MGAT4C: variants seen among roughly 807,000 people sequenced by gnomAD.
The protein encoded by MGAT4C is MGAT4 family member C.
In MGAT4C, 19 loss-of-function variants were observed where a neutral mutation model predicts 40.1. That is an observed-to-expected ratio of 0.47 (90% CI 0.33 to 0.70). The LOEUF is 0.70. Ranked by LOEUF, MGAT4C falls within the 30% of genes least tolerant of loss-of-function variation. The pLI, the probability that MGAT4C is intolerant of heterozygous loss-of-function variation, is 0.02. For missense variants in MGAT4C, 491 were observed against 563.2 expected (o/e 0.87, Z 1.30); for synonymous variants, 181 against 187.1 (o/e 0.97, Z 0.27).
At chr12:86,552,694 A>G (rs752441397) in intron 2 of MGAT4C, among the ~76,000 whole-genome samples, 3 of 152,114 alleles carry the variant, frequency 2.0e-5, no homozygotes, top group Non-Finnish European at 4.4e-5. Context: ...ATACAAAATA[A>G]ATAGAATTAG....
intron 3 of MGAT4C, among the ~76,000 whole-genome samples, chr12:86,346,909 C>G (rs1955046740): frequency 1.3e-5 from 2 of 152,158 alleles, no homozygotes; most frequent in Admixed American, 1.3e-4. Context: ...TGTCTTCCGG[C>G]CTTCATCATA....
intron 2 of MGAT4C, among the ~76,000 whole-genome samples, chr12:86,721,335 A>T (rs908624070): frequency 6.6e-5 from 10 of 152,090 alleles, no homozygotes; most frequent in African/African-American, 2.4e-4. Flanking sequence ...TTTGAGGATT[A>T]ATTAGAAGAA....
intron 1 of MGAT4C, among the ~76,000 whole-genome samples, chr12:86,773,990 G>A (rs1341261303): frequency 1.4e-5 from 1 of 73,494 alleles, no homozygotes; most frequent in African/African-American, 5.7e-5. Context: ...GTCTCACTTT[G>A]TCACCCAGGC....
intron 2 of MGAT4C, among the ~76,000 whole-genome samples, chr12:86,712,792 C>T (rs567554498): frequency 5.6e-4 from 85 of 152,054 alleles, no homozygotes; most frequent in African/African-American, 2.0e-3. Flanking sequence ...AGGTAGCTGC[C>T]GATTGTAGAC....
intron 4 of MGAT4C, among the ~76,000 whole-genome samples, chr12:86,329,409 T>G (rs901198757): frequency 2.0e-5 from 3 of 152,158 alleles, no homozygotes; most frequent in African/African-American, 7.2e-5. Flanking sequence ...ACAAATCTTG[T>G]CCTGATCTAC....
chr12:85,995,375 A>C (rs1351113412), intron 2 of MGAT4C, among the ~76,000 whole-genome samples: 1 of 152,226 alleles, frequency 6.6e-6, no homozygotes, highest in East Asian at 1.9e-4. Flanking sequence ...ACGGCTCTTC[A>C]AATCTTTGAG....
intron 1 of MGAT4C, among the ~76,000 whole-genome samples, chr12:86,204,743 G>A (rs747690746): frequency 5.3e-5 from 8 of 152,086 alleles, no homozygotes; most frequent in Non-Finnish European, 8.8e-5. Context: ...CAGGAAAGAT[G>A]TGTAAATGTT....
rs1883098442 is a variant in MGAT4C, at chr12:85,961,292, A to G, written c.*17997T>C. 1 of 151,894 alleles carries G rather than the reference A, an allele frequency of 6.6e-6. No homozygotes were observed. The highest frequency in any genetic ancestry group is 1.5e-5 in the Non-Finnish European group (1 of 67,846). The allele number at this position is 151,894 out of a possible 1,614,324, so 9.4% of individuals were successfully genotyped here. On this transcript the variant is annotated 3_prime_UTR_variant, in exon 5 of 5. Coordinates refer to ENST00000611864, the MANE Select transcript of MGAT4C (RefSeq NM_001351288.2). Reference sequence around the variant, plus strand: ...CTTATTGGAGAGAAAAACACATTAAATGATCAAATAATCTTTTATGAGCTC... The same window carrying G: ...CTTATTGGAGAGAAAAACACATTAAGTGATCAAATAATCTTTTATGAGCTC...
chr12:86,107,781 G>C (rs980617568), intron 1 of MGAT4C, among the ~76,000 whole-genome samples: 15 of 152,176 alleles, frequency 9.9e-5, no homozygotes, highest in African/African-American at 3.6e-4. Context: ...GATGAAAATT[G>C]CATACTAGGA....
chr12:86,176,550 C>T (rs1887457083), intron 1 of MGAT4C, among the ~76,000 whole-genome samples: 1 of 151,912 alleles, frequency 6.6e-6, no homozygotes, highest in South Asian at 2.1e-4. Flanking sequence ...GGCAATTTGA[C>T]TCTATAGATA....
intron 1 of MGAT4C, among the ~76,000 whole-genome samples, chr12:86,187,971 A>T (rs2135890604): frequency 6.6e-6 from 1 of 152,196 alleles, no homozygotes; most frequent in East Asian, 1.9e-4. Flanking sequence ...AGGTGACCAA[A>T]GCATTCACAT....
chr12:86,024,211 C>T (rs147209316), intron 2 of MGAT4C, among the ~76,000 whole-genome samples: 2 of 151,724 alleles, frequency 1.3e-5, no homozygotes, highest in Admixed American at 6.6e-5. Flanking sequence ...TCTGTATATG[C>T]GTAAATAACG....
chr12:86,242,909 G>C (rs555928837), intron 1 of MGAT4C, among the ~76,000 whole-genome samples: 2 of 152,068 alleles, frequency 1.3e-5, no homozygotes, highest in Non-Finnish European at 2.9e-5. Context: ...TACTAACAGA[G>C]CCCAGGAACA....
intron 3 of MGAT4C, among the ~76,000 whole-genome samples, chr12:86,386,413 A>T (rs1392789756): frequency 2.0e-5 from 3 of 152,164 alleles, no homozygotes; most frequent in Non-Finnish European, 4.4e-5. Context: ...TATGTTCCCA[A>T]TCACTGGTAC....
At chr12:86,150,693 G>C (rs1011874743) in intron 1 of MGAT4C, among the ~76,000 whole-genome samples, 1 of 152,098 alleles carries the variant, frequency 6.6e-6, no homozygotes, top group African/African-American at 2.4e-5. Flanking sequence ...TCAATAATTT[G>C]CTTGAAAAAC....
intron 1 of MGAT4C, among the ~76,000 whole-genome samples, chr12:86,169,653 A>G (rs986240512): frequency 6.6e-6 from 1 of 152,178 alleles, no homozygotes; most frequent in African/African-American, 2.4e-5. Flanking sequence ...AGCCAAGCAT[A>G]TAGCAGATGC....
At chr12:86,757,648 T>C (rs1322825025) in intron 1 of MGAT4C, among the ~76,000 whole-genome samples, 1 of 152,152 alleles carries the variant, frequency 6.6e-6, no homozygotes, top group East Asian at 1.9e-4. Context: ...ATGTGGATTT[T>C]TGTTCTTCTT....
At chr12:86,379,251 A>G (rs1955885457) in intron 3 of MGAT4C, among the ~76,000 whole-genome samples, 2 of 152,092 alleles carry the variant, frequency 1.3e-5, no homozygotes, top group Admixed American at 1.3e-4. Context: ...ACAAGCTATC[A>G]CCATTACTTG....
chr12:86,669,178 C>T (rs981661085), intron 2 of MGAT4C, among the ~76,000 whole-genome samples: 1 of 152,022 alleles, frequency 6.6e-6, no homozygotes, highest in African/African-American at 2.4e-5. Flanking sequence ...CTTGAGTTGC[C>T]CCACCCTTCC....
Sources: allele counts gnomAD v4.1 joint callset (sites outside exome capture counted in the v4.1 genomes callset), GRCh38; gene constraint gnomAD v4.1.1; transcripts MANE v1.5; gene names NCBI Gene and HGNC (gene_info 2026-07-23, HGNC 2026-07-21).